The following KCNQ3 variants were observed in gnomAD, a reference collection of about 807,000 sequenced individuals.
The protein encoded by KCNQ3 is potassium voltage-gated channel subfamily KQT member 3.
A neutral mutation model predicts 92.5 loss-of-function variants in KCNQ3; 30 were observed. The observed-to-expected ratio is 0.32, with a 90% CI of 0.24 to 0.44. The LOEUF is 0.44. KCNQ3 is among the 20% of genes least tolerant of loss of function. KCNQ3 has a pLI of 1.00. For synonymous variants in KCNQ3, 450 were observed against 468.8 expected (o/e 0.96, Z 0.52); for missense variants, 913 against 1,140.3 (o/e 0.80, Z 2.87).
At chr8:132,457,542 T>C (rs1428332440) in intron 1 of KCNQ3, among the ~76,000 whole-genome samples, 1 of 152,172 alleles carries the variant, frequency 6.6e-6, no homozygotes, top group African/African-American at 2.4e-5. Context: ...ACCAAGCCTT[T>C]GTCAGTGACT....
chr8:132,362,528 T>G (rs1382232839), intron 1 of KCNQ3, among the ~76,000 whole-genome samples: 1 of 152,072 alleles, frequency 6.6e-6, no homozygotes, highest in Non-Finnish European at 1.5e-5. Context: ...GGTGCTTAAA[T>G]AAACAAACAA....
At chr8:132,181,191 G>A (rs1375201433) in intron 3 of KCNQ3, among the ~76,000 whole-genome samples, 1 of 152,152 alleles carries the variant, frequency 6.6e-6, no homozygotes, top group Non-Finnish European at 1.5e-5. Flanking sequence ...GGTTAAGCAG[G>A]CTCTTGACAT....
At chr8:132,460,510 A>G (rs1310455877) in intron 1 of KCNQ3, among the ~76,000 whole-genome samples, 1 of 152,170 alleles carries the variant, frequency 6.6e-6, no homozygotes, top group African/African-American at 2.4e-5. Context: ...GTACACAAGT[A>G]TAACAGTATG....
intron 1 of KCNQ3, among the ~76,000 whole-genome samples, chr8:132,225,484 T>G (rs1814381947): frequency 6.6e-6 from 1 of 152,052 alleles, no homozygotes; most frequent in Non-Finnish European, 1.5e-5. Flanking sequence ...GATGGGTGAG[T>G]ACATGGGATT....
chr8:132,310,427 G>C, intron 1 of KCNQ3, among the ~76,000 whole-genome samples: 1 of 152,372 alleles, frequency 6.6e-6, no homozygotes. Context: ...TCCACGAGGA[G>C]TGCAGGAGTG....
chr8:132,215,005 C>A (rs565209521), intron 1 of KCNQ3, among the ~76,000 whole-genome samples: 46 of 152,336 alleles, frequency 3.0e-4, no homozygotes, highest in African/African-American at 1.1e-3. Flanking sequence ...GTGATCACTT[C>A]CAAATGTCAC....
intron 1 of KCNQ3, among the ~76,000 whole-genome samples, chr8:132,294,471 G>A (rs546073959): frequency 1.1e-4 from 17 of 152,284 alleles, no homozygotes; most frequent in African/African-American, 4.1e-4. Context: ...GCTAGAGTTA[G>A]GAAGAACAGA....
chr8:132,180,090 G>A, intron 4 of KCNQ3, 67 bp downstream of exon 4: 1 of 1,532,472 alleles, frequency 6.5e-7, no homozygotes, highest in Non-Finnish European at 9.0e-7. Flanking sequence ...CAAAGGAAGG[G>A]ATGTCATGGA....
chr8:132,256,317 A>G (rs1176320876), intron 1 of KCNQ3, among the ~76,000 whole-genome samples: 1 of 152,162 alleles, frequency 6.6e-6, no homozygotes, highest in Non-Finnish European at 1.5e-5. Context: ...AGGAATAAAA[A>G]GAAAAAAAGA....
rs1013870468 is a variant in KCNQ3 at position 132,127,240 on chromosome 8, G to C, written c.*2022C>G. The stretch of plus-strand genomic sequence containing the variant: ...CGTGGGGCTTCATGTCTGATGCATT[G>C]AGCATTCTGGTATATTTCCCATCTC... On this transcript the variant is annotated 3_prime_UTR_variant, in exon 15 of 15. Coordinates refer to ENST00000388996, the MANE Select transcript of KCNQ3 (RefSeq NM_004519.4). The C allele has an allele frequency of 2.0e-5, 3 of 152,262 alleles. No individual in the cohort carries two copies. The highest frequency in any genetic ancestry group is 7.2e-5 in the African/African-American group (3 of 41,542). The allele number at this position is 152,262 out of a possible 1,614,324, so 9.4% of individuals were successfully genotyped here. A position where few individuals can be genotyped will look rare whatever the true frequency, so the allele number is the denominator to read the frequency against.
At chr8:132,298,114 C>T (rs1333845704) in intron 1 of KCNQ3, among the ~76,000 whole-genome samples, 1 of 152,142 alleles carries the variant, frequency 6.6e-6, no homozygotes. Context: ...CAGTATGTTT[C>T]CTGTCTACAG....
chr8:132,340,076 A>G (rs1818481420), intron 1 of KCNQ3, among the ~76,000 whole-genome samples: 1 of 152,202 alleles, frequency 6.6e-6, no homozygotes, highest in Admixed American at 6.5e-5. Flanking sequence ...ATCTCACGCC[A>G]GTTAGAATGG....
intron 1 of KCNQ3, among the ~76,000 whole-genome samples, chr8:132,441,878 C>T (rs928920862): frequency 1.2e-4 from 19 of 152,148 alleles, no homozygotes; most frequent in African/African-American, 4.1e-4. Flanking sequence ...ATATACACCA[C>T]GGAATACTAT....
intron 1 of KCNQ3, among the ~76,000 whole-genome samples, chr8:132,378,297 C>T (rs1819662577): frequency 6.6e-6 from 1 of 151,994 alleles, no homozygotes; most frequent in Admixed American, 6.6e-5. Flanking sequence ...GAGGCTGATG[C>T]ACGAGAAACA....
intron 9 of KCNQ3, among the ~76,000 whole-genome samples, chr8:132,158,078 A>C (rs1825864192): frequency 6.6e-6 from 1 of 152,180 alleles, no homozygotes; most frequent in Non-Finnish European, 1.5e-5. Context: ...GATCCCTCTG[A>C]GGTTAAATAA....
intron 1 of KCNQ3, among the ~76,000 whole-genome samples, chr8:132,295,841 C>T (rs1359513845): frequency 1.3e-5 from 2 of 152,050 alleles, no homozygotes; most frequent in African/African-American, 4.8e-5. Context: ...AGTGAGAACA[C>T]ATGGACACAG....
At chr8:132,206,215 C>A (rs949013853) in intron 1 of KCNQ3, among the ~76,000 whole-genome samples, 1 of 152,148 alleles carries the variant, frequency 6.6e-6, no homozygotes, top group Admixed American at 6.5e-5. Flanking sequence ...GTCCTTCCAC[C>A]CTATATCACC....
At chr8:132,304,431 T>C (rs953745032) in intron 1 of KCNQ3, among the ~76,000 whole-genome samples, 11 of 152,318 alleles carry the variant, frequency 7.2e-5, no homozygotes, top group Non-Finnish European at 1.3e-4. Flanking sequence ...TTGGTGTCCA[T>C]GGTCATCTTA....
rs1824489335 is a variant in KCNQ3, at chr8:132,122,124, A to C, written c.*7138T>G. On this transcript the variant is annotated 3_prime_UTR_variant, in exon 15 of 15. Coordinates refer to ENST00000388996, the MANE Select transcript of KCNQ3 (RefSeq NM_004519.4). ...AAGGGGGAGAGAGAATGAGCTTTCC[A>C]GGTACACGGGCTTTGGTTGAATATG... The C allele has an allele frequency of 6.6e-6, 1 of 152,254 alleles. No individual in the cohort carries two copies. The highest frequency in any genetic ancestry group is 6.5e-5 in the Admixed American group (1 of 15,284). 9.4% of individuals were successfully genotyped at this position (152,254 alleles called of 1,614,324 possible).
Sources: gnomAD v4.1 joint callset for allele counts (sites outside exome capture counted in the v4.1 genomes callset) on GRCh38, gnomAD v4.1.1 for gene constraint, MANE v1.5 for transcripts, NCBI Gene and HGNC (gene_info 2026-07-23, HGNC 2026-07-21) for gene names.